The following C10orf67 variants were observed in gnomAD, a reference collection of about 807,000 sequenced individuals.
C10orf67 encodes the protein chromosome 10 open reading frame 67.
Under a neutral mutation model 35.6 loss-of-function variants are expected in C10orf67, and 60 were observed. The observed-to-expected ratio is 1.68, with a 90% confidence interval of 1.37 to 2.09. The LOEUF is 2.09. Among genes scored for constraint, C10orf67 ranks in the 30% most tolerant of loss-of-function variants. The pLI is 0.00. For synonymous variants in C10orf67, 167 were observed against 115.8 expected, an observed-to-expected ratio of 1.44 and a Z score of -2.84; for missense variants, 474 against 330.2, an observed-to-expected ratio of 1.44 and a Z score of -3.38.
chr10:23,336,435 G>A (rs1014048992), intron 1 of C10orf67, among the ~76,000 whole-genome samples: 1 of 152,128 alleles, frequency 6.6e-6, no homozygotes, highest in Non-Finnish European at 1.5e-5. Context: ...TCCAATGAGA[G>A]GGCCTAGAAG....
rs192750427 is a variant in C10orf67 at position 23,212,828 on chromosome 10, A to G, written c.1571-8573T>C. Reference sequence around the variant, plus strand: ...GAGAGAGAGAGAGAGAGAGAGACGTAAGCATGCAAACCTAAGTTCCAAAAT... The same window carrying G: ...GAGAGAGAGAGAGAGAGAGAGACGTGAGCATGCAAACCTAAGTTCCAAAAT... On this transcript the variant is annotated intron_variant, in intron 15 of 15. Transcript: ENST00000636213. 1.9e-3 allele frequency among the ~76,000 whole-genome samples: 283 copies of G among 151,100 alleles called. 3 individuals are homozygous for G. The highest frequency in any genetic ancestry group is 5.4e-3 in the African/African-American group (221 of 41,138).
intron 4 of C10orf67, among the ~76,000 whole-genome samples, chr10:23,310,165 T>C (rs1844443676): frequency 6.6e-6 from 1 of 152,156 alleles, no homozygotes; most frequent in Non-Finnish European, 1.5e-5. Context: ...GAAGACACCA[T>C]GGCTTTATTT....
Position 23,247,909 on chromosome 10 carries a change from T to C in C10orf67, c.1346+2546A>G, listed in dbSNP as rs180781588. On this transcript the variant is annotated intron_variant, in intron 12 of 15. Coordinates refer to ENST00000636213, the MANE Select transcript of C10orf67 (RefSeq NM_001371909.1). ...GTGGTGAGGACACAGGTGTTTACTT[T>C]GTTGAAGTAAGGAGCAGTGTAGAGT... Among the ~76,000 whole-genome samples the C allele has an allele frequency of 7.9e-5, 12 of 152,292 alleles. No homozygotes were observed. The East Asian group carries it at 2.3e-3, about 29-fold the overall frequency.
At chr10:23,204,758 G>A (rs1322964661) in intron 15 of C10orf67, among the ~76,000 whole-genome samples, 2 of 152,136 alleles carry the variant, frequency 1.3e-5, no homozygotes, top group East Asian at 3.8e-4. Flanking sequence ...CTGAAACTGG[G>A]GAATGGGAAG....
At chr10:23,282,478 C>T (rs969622421) in intron 7 of C10orf67, among the ~76,000 whole-genome samples, 1 of 152,178 alleles carries the variant, frequency 6.6e-6, no homozygotes, top group Non-Finnish European at 1.5e-5. Context: ...GAAGCATACA[C>T]TGGGCTGGGT....
intron 7 of C10orf67, among the ~76,000 whole-genome samples, chr10:23,282,430 T>C (rs1843395542): frequency 6.6e-6 from 1 of 152,224 alleles, no homozygotes; most frequent in Non-Finnish European, 1.5e-5. Flanking sequence ...TCTATGTGCA[T>C]ATCAAACCAC....
intron 10 of C10orf67, among the ~76,000 whole-genome samples, chr10:23,260,320 A>G (rs1317935892): frequency 6.6e-6 from 1 of 152,126 alleles, no homozygotes; most frequent in African/African-American, 2.4e-5. Flanking sequence ...ATAAAGGCAA[A>G]AAAAAGGGTT....
At chr10:23,207,719 G>A (rs1267133414) in intron 15 of C10orf67, among the ~76,000 whole-genome samples, 6 of 152,260 alleles carry the variant, frequency 3.9e-5, no homozygotes, top group South Asian at 2.1e-4. Context: ...TCAGTACACC[G>A]GCACTTGTAA....
chr10:23,230,143 C>G lies in C10orf67; in HGVS notation c.1435-6325G>C, dbSNP rs114323667. 5.7e-3 allele frequency among the ~76,000 whole-genome samples: 871 copies of G among 151,974 alleles called. 9 individuals are homozygous for G. The highest frequency in any genetic ancestry group is 0.02 in the African/African-American group (833 of 41,422). On this transcript the variant is annotated intron_variant, in intron 13 of 15. Coordinates refer to ENST00000636213, the MANE Select transcript of C10orf67 (RefSeq NM_001371909.1). ...TGGTGCAGGAAAAAAAACAGTGAAA[C>G]AGATTGAGTCAGAATAGACTCATAT...
At chr10:23,238,342 T>G (rs1842097939) in intron 13 of C10orf67, among the ~76,000 whole-genome samples, 1 of 152,158 alleles carries the variant, frequency 6.6e-6, no homozygotes, top group Non-Finnish European at 1.5e-5. Flanking sequence ...CTGTATACAC[T>G]CTGATGAGTA....
At chr10:23,229,290 G>A (rs908994855) in intron 13 of C10orf67, among the ~76,000 whole-genome samples, 4 of 151,860 alleles carry the variant, frequency 2.6e-5, no homozygotes, top group Non-Finnish European at 4.4e-5. Flanking sequence ...TTAGGGACAT[G>A]GATGAAGCTG....
chr10:23,252,588 AC>A lies in C10orf67; in HGVS notation c.1201-1898del, dbSNP rs570404553. On this transcript the variant is annotated intron_variant, in intron 10 of 15. Coordinates refer to ENST00000636213, the MANE Select transcript of C10orf67 (RefSeq NM_001371909.1). ...AGAGAAGGCAGACTTGAGAGAAATT[AC>A]AAAAGAGGTGAAATTTAGGTGACTT... is the stretch of plus-strand genomic sequence containing the variant. Among the ~76,000 whole-genome samples, 301 of 152,350 alleles carry A rather than the reference AC, an allele frequency of 2.0e-3. 3 individuals carry two copies. Among genetic ancestry groups the A allele is most frequent in the African/African-American group, 5.7e-3 (238 of 41,596 alleles).
intron 13 of C10orf67, among the ~76,000 whole-genome samples, chr10:23,230,438 A>G (rs1488022817): frequency 6.6e-6 from 1 of 152,172 alleles, no homozygotes; most frequent in Non-Finnish European, 1.5e-5. Flanking sequence ...AAATGTAAAG[A>G]CAAAAAGGAA....
At chr10:23,285,141 G>T (rs937188894) in intron 7 of C10orf67, among the ~76,000 whole-genome samples, 1 of 152,056 alleles carries the variant, frequency 6.6e-6, no homozygotes, top group Non-Finnish European at 1.5e-5. Context: ...CAGTACGCCT[G>T]GGAGAAACAG....
intron 15 of C10orf67, among the ~76,000 whole-genome samples, chr10:23,212,276 C>T (rs1274756663): frequency 6.6e-6 from 1 of 152,174 alleles, no homozygotes; most frequent in African/African-American, 2.4e-5. Flanking sequence ...TTTCAGACTT[C>T]CAGCCTCCAG....
At position 23,344,492 on chromosome 10, in the gene C10orf67, A is replaced by G. The variant is rs958514331; in HGVS notation, c.206+77T>C. On this transcript the variant is annotated intron_variant, in intron 1 of 15. Coordinates refer to ENST00000636213, the MANE Select transcript of C10orf67 (RefSeq NM_001371909.1). ...CCCAGAGGAAAGCTGCACCCCCGTA[A>G]ATAACCCTTCAGCCTCCCGCCGTGC... The G allele has an allele frequency of 2.2e-6, 3 of 1,370,648 alleles. No individual in the cohort carries two copies. In the African/African-American group the frequency reaches 4.3e-5, roughly 20 times the overall value. 84.9% of individuals were successfully genotyped at this position (1,370,648 alleles called of 1,614,324 possible). A position where few individuals can be genotyped will look rare whatever the true frequency, so the allele number is the denominator to read the frequency against.
intron 5 of C10orf67, among the ~76,000 whole-genome samples, chr10:23,302,072 C>G (rs151198574): frequency 0.014 from 2,084 of 152,212 alleles, 141 homozygotes; most frequent in Admixed American, 0.11. Context: ...CAAACACGGA[C>G]CAGAAGAGTG....
Position 23,250,575 on chromosome 10 carries a change from A to G in C10orf67, c.1280+37T>C, listed in dbSNP as rs1280019605. 9 of 398,516 alleles carry G rather than the reference A, an allele frequency of 2.3e-5. No homozygotes were observed. The East Asian group carries it at 2.9e-4, about 13-fold the overall frequency. 24.7% of individuals were successfully genotyped at this position (398,516 alleles called of 1,614,324 possible). ...TGTATTAGTTACAAATGAACATTAT[A>G]TCTCATTACCAGTGCCTTTTACTCT... On this transcript the variant is annotated intron_variant, in intron 11 of 15. Transcript: ENST00000636213.
intron 8 of C10orf67, among the ~76,000 whole-genome samples, chr10:23,277,839 G>C (rs1588643605): frequency 1.3e-5 from 2 of 152,210 alleles, no homozygotes; most frequent in South Asian, 4.2e-4. Context: ...GTAATTTATA[G>C]AGAAAAGAGG....
Sources: allele counts gnomAD v4.1 joint callset (sites outside exome capture counted in the v4.1 genomes callset), GRCh38; gene constraint gnomAD v4.1.1; transcripts MANE v1.5; gene names NCBI Gene and HGNC (gene_info 2026-07-23, HGNC 2026-07-21).